SNTG2: variants seen among roughly 807,000 people sequenced by gnomAD.
The protein encoded by SNTG2 is syntrophin gamma 2, also known as gamma-2-syntrophin.
SNTG2 carries 74 observed loss-of-function variants against 70.9 expected under a neutral mutation model. The observed-to-expected ratio is 1.04, with a 90% CI of 0.86 to 1.27. SNTG2 has a LOEUF of 1.27. Ranked by LOEUF, SNTG2 falls within the 50% of genes most tolerant of loss-of-function variation. The probability of loss-of-function intolerance (pLI) is 0.00; values close to 1 mark genes in which losing one functional copy is unlikely to be tolerated. For synonymous variants in SNTG2, 278 were observed against 273.8 expected (o/e 1.02, Z -0.15); for missense variants, 717 against 690.7 (o/e 1.04, Z -0.43).
intron 4 of SNTG2, among the ~76,000 whole-genome samples, chr2:1,104,233 G>A (rs894050759): frequency 3.3e-5 from 5 of 152,090 alleles, no homozygotes; most frequent in Non-Finnish European, 7.3e-5. Context: ...TGGTTACGAC[G>A]TTTTTTCATT....
rs779235990 is a variant in SNTG2 at position 1,098,248 on chromosome 2, T to C, written c.263T>C (p.Ile88Thr). The change falls in exon 3 of 17, where the codon ATA becomes ACA. Residue 88 changes from isoleucine (I) to threonine (T), a missense_variant. By Grantham distance (89) the Ile-to-Thr change is moderately conservative. Coordinates refer to ENST00000308624, the MANE Select transcript of SNTG2 (RefSeq NM_018968.4). The part of the protein sequence containing the change: ...RQPVGGLGLS[I>T]KGGSEHNVPV... ...CCAGTTGGCGGCTTGGGCCTGAGTA[T>C]AAAGGTATGGAAATGGTTTTCTCTA... 4 of 1,614,040 alleles carry C rather than the reference T, an allele frequency of 2.5e-6. No homozygotes were observed. The highest frequency in any genetic ancestry group is 3.4e-6 in the Non-Finnish European group (4 of 1,179,892).
At chr2:1,255,926 A>ATATAAAT (rs1491544245) in intron 12 of SNTG2, among the ~76,000 whole-genome samples, 1 of 53,578 alleles carries the variant, frequency 1.9e-5, no homozygotes, top group Non-Finnish European at 3.2e-5. Context: ...ATAAATATAT[A>ATATAAAT]AATATATAAA....
chr2:1,228,816 G>T (rs1441866676), intron 9 of SNTG2, among the ~76,000 whole-genome samples: 1 of 152,222 alleles, frequency 6.6e-6, no homozygotes, highest in Non-Finnish European at 1.5e-5. Flanking sequence ...GAGTGTTACA[G>T]CTCTTAGGGC....
At chr2:1,083,724 T>A in intron 2 of SNTG2, 69 bp downstream of exon 2, 2 of 1,573,692 alleles carry the variant, frequency 1.3e-6, no homozygotes, top group Non-Finnish European at 1.7e-6. Flanking sequence ...CTTTGAAAAG[T>A]GTGGTTCAAG....
intron 4 of SNTG2, among the ~76,000 whole-genome samples, chr2:1,125,286 C>A (rs1316563593): frequency 6.6e-6 from 1 of 152,160 alleles, no homozygotes; most frequent in Non-Finnish European, 1.5e-5. Context: ...ATTAAAACTT[C>A]ATTTCTTCAT....
intron 8 of SNTG2, among the ~76,000 whole-genome samples, chr2:1,179,790 G>A (rs1258653495): frequency 6.8e-6 from 1 of 146,880 alleles, no homozygotes; most frequent in East Asian, 2.1e-4. Flanking sequence ...CAAAGCTGGA[G>A]GCATCACGCT....
intron 14 of SNTG2, among the ~76,000 whole-genome samples, chr2:1,303,812 A>G (rs1315027024): frequency 2.0e-5 from 3 of 152,238 alleles, no homozygotes; most frequent in Non-Finnish European, 4.4e-5. Flanking sequence ...CTTCGACAGG[A>G]TAATGAAAAT....
At position 1,363,086 on chromosome 2, in the gene SNTG2, G is replaced by A. The variant is rs536000869; in HGVS notation, c.1489-4257G>A. Among the ~76,000 whole-genome samples the A allele has an allele frequency of 5.9e-5, 9 of 151,928 alleles. No individual in the cohort carries two copies. In the East Asian group the frequency reaches 7.8e-4, roughly 13 times the overall value. ...CCATAGAACTTCCATGAAAGTGACC[G>A]GCGCTGAGATGGAATGACTCCTGTG... On this transcript the variant is annotated intron_variant, in intron 16 of 16. Transcript: ENST00000308624.
intron 8 of SNTG2, among the ~76,000 whole-genome samples, chr2:1,179,036 G>A (rs1303605284): frequency 6.6e-6 from 1 of 152,112 alleles, no homozygotes; most frequent in East Asian, 1.9e-4. Context: ...TCTTGGGAGG[G>A]TGTATGTGTC....
intron 16 of SNTG2, among the ~76,000 whole-genome samples, chr2:1,349,175 C>G (rs1293189671): frequency 1.3e-5 from 2 of 152,220 alleles, no homozygotes. Flanking sequence ...GATGTCCAAA[C>G]TGTCTTTGTG....
intron 9 of SNTG2, 102 bp from the exon 10 acceptor site, chr2:1,237,786 G>C: frequency 4.9e-6 from 7 of 1,423,166 alleles, no homozygotes; most frequent in Non-Finnish European, 6.6e-6. Context: ...CCCATGTCCT[G>C]GGTCCAGGGT....
chr2:1,063,787 A>G (rs554146930), intron 1 of SNTG2, among the ~76,000 whole-genome samples: 1 of 152,324 alleles, frequency 6.6e-6, no homozygotes, highest in South Asian at 2.1e-4. Context: ...GGTGCATTAA[A>G]TAAAGAAAAA....
intron 16 of SNTG2, among the ~76,000 whole-genome samples, chr2:1,319,339 T>C (rs572364207): frequency 1.3e-5 from 2 of 152,300 alleles, no homozygotes; most frequent in Non-Finnish European, 2.9e-5. Flanking sequence ...TTTAAACAAT[T>C]TGTGGAAATT....
chr2:1,080,185 G>T (rs1344187167), intron 1 of SNTG2, among the ~76,000 whole-genome samples: 1 of 152,146 alleles, frequency 6.6e-6, no homozygotes, highest in South Asian at 2.1e-4. Context: ...CAGATGCATC[G>T]GTCACTGGGG....
At chr2:1,337,146 G>A (rs1390872075) in intron 16 of SNTG2, among the ~76,000 whole-genome samples, 1 of 152,162 alleles carries the variant, frequency 6.6e-6, no homozygotes, top group Admixed American at 6.5e-5. Flanking sequence ...TAATGCTACT[G>A]TGAACACAGG....
At chr2:1,229,691 G>A (rs529863961) in intron 9 of SNTG2, among the ~76,000 whole-genome samples, 1 of 152,352 alleles carries the variant, frequency 6.6e-6, no homozygotes, top group South Asian at 2.1e-4. Flanking sequence ...AGGAGCCAAT[G>A]GAGGGGGTGG....
chr2:1,098,143 T>C, intron 2 of SNTG2, 53 bp from the exon 3 acceptor site: 2 of 1,571,532 alleles, frequency 1.3e-6, no homozygotes, highest in Non-Finnish European at 8.7e-7. Context: ...GAATTCACTT[T>C]CTGATAGTGC....
At chr2:1,063,287 T>A (rs934510870) in intron 1 of SNTG2, among the ~76,000 whole-genome samples, 1 of 152,194 alleles carries the variant, frequency 6.6e-6, no homozygotes, top group African/African-American at 2.4e-5. Context: ...AACTGGACCT[T>A]ACACAAAACT....
At chr2:1,138,666 C>A (rs1668558298) in intron 6 of SNTG2, among the ~76,000 whole-genome samples, 1 of 152,116 alleles carries the variant, frequency 6.6e-6, no homozygotes, top group South Asian at 2.1e-4. Flanking sequence ...AGGACACACG[C>A]CTGGGGCCCA....
Sources: allele counts gnomAD v4.1 joint callset (sites outside exome capture counted in the v4.1 genomes callset), GRCh38; gene constraint gnomAD v4.1.1; transcripts MANE v1.5; gene names NCBI Gene and HGNC (gene_info 2026-07-23, HGNC 2026-07-21).